RNF216: variants seen among roughly 807,000 people sequenced by gnomAD.
The protein encoded by RNF216 is ring finger protein 216, also known as E3 ubiquitin-protein ligase RNF216.
Under a neutral mutation model 110.8 loss-of-function variants are expected in RNF216, and 72 were observed. The observed-to-expected ratio is 0.65, with a 90% CI of 0.54 to 0.79. The LOEUF (loss-of-function observed/expected upper bound fraction) is 0.79. Ranked by LOEUF, RNF216 falls within the 30% of genes least tolerant of loss-of-function variation. The pLI, the probability that RNF216 is intolerant of heterozygous loss-of-function variation, is 0.00. For missense variants in RNF216, 1,342 were observed against 1,141.2 expected (o/e 1.18, Z -2.54); for synonymous variants, 495 against 407.5 (o/e 1.21, Z -2.59).
At chr7:5,766,217 G>C (rs1796200775) in intron 1 of RNF216, among the ~76,000 whole-genome samples, 1 of 152,034 alleles carries the variant, frequency 6.6e-6, no homozygotes. Flanking sequence ...CTGAACCCAG[G>C]AGTTTGATGT....
At chr7:5,747,698 C>A (rs1215167653) in intron 3 of RNF216, among the ~76,000 whole-genome samples, 1 of 109,574 alleles carries the variant, frequency 9.1e-6, no homozygotes, top group Non-Finnish European at 1.7e-5. Context: ...TGCAGTGAGT[C>A]AAGATTGCAC....
intron 13 of RNF216, among the ~76,000 whole-genome samples, chr7:5,660,733 A>G (rs994985876): frequency 6.6e-6 from 1 of 151,916 alleles, no homozygotes; most frequent in African/African-American, 2.4e-5. Flanking sequence ...GTGCACCACC[A>G]TGCCTGGCTA....
intron 13 of RNF216, among the ~76,000 whole-genome samples, chr7:5,656,349 T>C (rs887396261): frequency 7.9e-5 from 12 of 152,130 alleles, no homozygotes; most frequent in African/African-American, 2.7e-4. Flanking sequence ...ATAACCACAT[T>C]CTTCAATCTG....
At chr7:5,718,256 C>T (rs181698703) in intron 9 of RNF216, among the ~76,000 whole-genome samples, 113 of 152,134 alleles carry the variant, frequency 7.4e-4, no homozygotes, top group African/African-American at 2.4e-3. Flanking sequence ...TGGGGCGCAC[C>T]TGTAATCCCA....
chr7:5,778,200 T>TC (rs1406467557), intron 1 of RNF216, among the ~76,000 whole-genome samples: 9 of 152,146 alleles, frequency 5.9e-5, no homozygotes, highest in African/African-American at 2.2e-4. Context: ...ACCTCATACC[T>TC]TTTCCCCCCG....
At chr7:5,708,637 T>G (rs1013199226) in intron 13 of RNF216, among the ~76,000 whole-genome samples, 1 of 152,232 alleles carries the variant, frequency 6.6e-6, no homozygotes, top group African/African-American at 2.4e-5. Context: ...CTAATATAAG[T>G]GCTCAGGCTT....
rs387907368 is a variant in RNF216 at position 5,641,285 on chromosome 7, G to A, written c.2251C>T (p.Arg751Cys). 8 of 1,614,098 alleles carry A rather than the reference G, an allele frequency of 5.0e-6. No individual in the cohort carries two copies. The highest frequency in any genetic ancestry group is 1.7e-5 in the Admixed American group (1 of 60,014). The change falls in exon 15 of 17, where the codon CGC becomes TGC. Residue 751 changes from arginine (R) to cysteine (C), a missense_variant. By Grantham distance (180) the Arg-to-Cys change is radical. Coordinates refer to ENST00000389902, the MANE Select transcript of RNF216 (RefSeq NM_207111.4). ...AGGTAGCACATCTGGGCACCACAGC[G>A]GCAAGACATGCGGTTGCAGCCTTCA... ...KSEGCNRMSC[R>C]CGAQMCYLCR...
At chr7:5,681,927 T>G (rs1381742523) in intron 13 of RNF216, among the ~76,000 whole-genome samples, 1 of 152,174 alleles carries the variant, frequency 6.6e-6, no homozygotes, top group Admixed American at 6.5e-5. Context: ...CCCAGTGGTT[T>G]TCTAAAGAAT....
intron 13 of RNF216, among the ~76,000 whole-genome samples, chr7:5,670,755 G>T (rs550773027): frequency 1.3e-5 from 2 of 152,118 alleles, no homozygotes; most frequent in African/African-American, 4.8e-5. Context: ...TCTCATCTTT[G>T]TTGAGTTGTG....
At chr7:5,685,419 G>T (rs1053445083) in intron 13 of RNF216, among the ~76,000 whole-genome samples, 1 of 152,200 alleles carries the variant, frequency 6.6e-6, no homozygotes. Flanking sequence ...AAGCCAGGGT[G>T]TAAGGGAGGA....
Position 5,635,845 on chromosome 7 carries a change from G to C in RNF216, c.2382+5309C>G, listed in dbSNP as rs547836228. On this transcript the variant is annotated intron_variant, in intron 15 of 16. Transcript: ENST00000389902. ...CCACTGCTGGTTTGGAAAAATGAGT[G>C]TCTCTTAACCAAATGGCTAGGCGAT... is the stretch of plus-strand genomic sequence containing the variant. 4.6e-5 allele frequency among the ~76,000 whole-genome samples: 7 copies of C among 152,352 alleles called. No individual in the cohort carries two copies. The East Asian group carries it at 7.7e-4, about 17-fold the overall frequency.
rs754872404 is a variant in RNF216 at position 5,776,899 on chromosome 7, CAAAAAAAAAAA to C, written c.-70+4631_-70+4641del. 1.8e-4 allele frequency among the ~76,000 whole-genome samples: 15 copies of C among 83,602 alleles called. 1 individual carries two copies. The highest frequency in any genetic ancestry group is 6.6e-3 in the Middle Eastern group (1 of 152). 54.8% of individuals were successfully genotyped at this position (83,602 alleles called of 152,430 possible). A position where few individuals can be genotyped will look rare whatever the true frequency, so the allele number is the denominator to read the frequency against. ...CTGTGCGACAGAGGGAGACTCTGTC[CAAAAAAAAAAA>C]AAAAAAAGAGAGAGAGAAAAAGAGA... On this transcript the variant is annotated intron_variant, in intron 1 of 16. Coordinates refer to ENST00000389902, the MANE Select transcript of RNF216 (RefSeq NM_207111.4).
chr7:5,655,112 A>G (rs1788650783), intron 13 of RNF216, among the ~76,000 whole-genome samples: 2 of 152,234 alleles, frequency 1.3e-5, no homozygotes, highest in South Asian at 4.1e-4. Context: ...GGTCTTCCTC[A>G]TAAGGGAAGA....
chr7:5,653,025 G>A (rs1788493226), intron 13 of RNF216, among the ~76,000 whole-genome samples: 1 of 152,104 alleles, frequency 6.6e-6, no homozygotes, highest in African/African-American at 2.4e-5. Flanking sequence ...GGCCTGTTTG[G>A]ATCTCGTTAA....
intron 15 of RNF216, among the ~76,000 whole-genome samples, chr7:5,640,052 C>A (rs1394447493): frequency 6.6e-6 from 1 of 151,658 alleles, no homozygotes; most frequent in Admixed American, 6.6e-5. Flanking sequence ...AGCCACCGCG[C>A]CCGGCCAATT....
chr7:5,763,439 G>C (rs188422069), intron 1 of RNF216, among the ~76,000 whole-genome samples: 1 of 152,028 alleles, frequency 6.6e-6, no homozygotes, highest in East Asian at 1.9e-4. Context: ...GATACTAGCC[G>C]GGCCAACGTG....
At chr7:5,640,365 T>G (rs191504913) in intron 15 of RNF216, among the ~76,000 whole-genome samples, 320 of 152,340 alleles carry the variant, frequency 2.1e-3, no homozygotes, top group African/African-American at 7.3e-3. Flanking sequence ...CCCAGCGTAG[T>G]AGCTAGTGTG....
chr7:5,760,522 G>GAAAAAAA, intron 2 of RNF216: 1 of 226,242 alleles, frequency 4.4e-6, no homozygotes, highest in Non-Finnish European at 9.0e-6. Flanking sequence ...CTCAAAAAAA[G>GAAAAAAA]AAAAAAAAAA....
At chr7:5,634,765 G>T (rs898584451) in intron 15 of RNF216, among the ~76,000 whole-genome samples, 3 of 152,250 alleles carry the variant, frequency 2.0e-5, no homozygotes, top group African/African-American at 7.2e-5. Context: ...CCAGGGGCCT[G>T]GTGGGATCTG....
Sources: allele counts gnomAD v4.1 joint callset (sites outside exome capture counted in the v4.1 genomes callset), GRCh38; gene constraint gnomAD v4.1.1; transcripts MANE v1.5; gene names NCBI Gene and HGNC (gene_info 2026-07-23, HGNC 2026-07-21).